The following DNAH5 variants were observed in gnomAD, a reference collection of about 807,000 sequenced individuals.
The protein encoded by DNAH5 is dynein axonemal heavy chain 5, also known as axonemal beta dynein heavy chain 5.
Under a neutral mutation model 518.2 loss-of-function variants are expected in DNAH5, and 372 were observed. The ratio of observed to expected loss-of-function variants is 0.72; its 90% CI spans 0.66 to 0.78. The LOEUF (loss-of-function observed/expected upper bound fraction) is 0.78, where lower values mean the gene tolerates loss of function less well. Among genes scored for constraint, DNAH5 ranks in the 30% least tolerant of loss-of-function variants. The pLI, the probability that DNAH5 is intolerant of heterozygous loss-of-function variation, is 0.00. For synonymous variants in DNAH5, 2,039 were observed against 2,025.9 expected (o/e 1.01, Z -0.17); for missense variants, 5,523 against 5,687.0 (o/e 0.97, Z 0.93).
At position 13,914,646 on chromosome 5, in the gene DNAH5, G is replaced by C; in HGVS notation, c.1198-4C>G. 3 of 1,612,354 alleles carry C rather than the reference G, an allele frequency of 1.9e-6. No individual in the cohort carries two copies. The highest frequency in any genetic ancestry group is 2.5e-6 in the Non-Finnish European group (3 of 1,178,810). On this transcript the variant is annotated splice_polypyrimidine_tract_variant and splice_region_variant and intron_variant, in intron 9 of 78. Transcript: ENST00000265104. ...CAGATATAATCTGATTTGTCACCTG[G>C]GATTTTCCAATAAAATGATGTTAAG...
intron 65 of DNAH5, among the ~76,000 whole-genome samples, chr5:13,748,204 T>C (rs576870268): frequency 5.9e-5 from 9 of 152,350 alleles, no homozygotes; most frequent in Middle Eastern, 3.4e-3. Context: ...TGTGGTATTA[T>C]TTCTGAGGGT....
chr5:13,721,364 T>TTTGC, intron 70 of DNAH5, 119 bp from the exon 71 acceptor site: 3 of 1,212,210 alleles, frequency 2.5e-6, no homozygotes, highest in Non-Finnish European at 3.6e-6. Flanking sequence ...AGTAACCCTG[T>TTTGC]CAGGCAAACA....
rs138441172 is a variant in DNAH5 at position 13,766,011 on chromosome 5, A to G, written c.10066T>C (p.Leu3356=). Reference sequence around the variant, plus strand: ...TGTAAAAAGTTCCCTGCAGTCATCAATTTTAAGGATTCCTGCCAGGAGGGC... The same window carrying G: ...TGTAAAAAGTTCCCTGCAGTCATCAGTTTTAAGGATTCCTGCCAGGAGGGC... The part of the protein sequence containing the change: ...TMPSWQESLK[L]MTAGNFLQNL... Residue 3356 remains leucine, a synonymous_variant, in exon 59 of 79, where the codon TTG becomes CTG. Transcript: ENST00000265104. The G allele has an allele frequency of 3.3e-4, 531 of 1,614,188 alleles. 3 individuals are homozygous for G. The highest frequency in any genetic ancestry group is 9.9e-4 in the South Asian group (90 of 91,086).
intron 48 of DNAH5, 54 bp downstream of exon 48, chr5:13,793,882 A>G (rs1757421066): frequency 6.3e-7 from 1 of 1,596,940 alleles, no homozygotes; most frequent in Non-Finnish European, 8.5e-7. Flanking sequence ...AACTCTTCTA[A>G]GAATAAATCA....
At chr5:13,862,505 T>TA in intron 29 of DNAH5, 43 bp downstream of exon 29, 3 of 1,574,110 alleles carry the variant, frequency 1.9e-6, no homozygotes, top group Non-Finnish European at 2.6e-6. Context: ...TGTTTGCTAT[T>TA]ACGGTTCTCA....
intron 41 of DNAH5, among the ~76,000 whole-genome samples, chr5:13,819,544 A>G (rs1761949904): frequency 6.6e-6 from 1 of 152,048 alleles, no homozygotes; most frequent in South Asian, 2.1e-4. Context: ...TCTTTGCTGG[A>G]TGGGCTTTCA....
In DNAH5 at chr5:13,977,337, C is replaced by T. The variant is rs907398350; in HGVS notation, c.12+34311G>A. 8.5e-5 allele frequency among the ~76,000 whole-genome samples: 13 copies of T among 152,270 alleles called. 1 individual carries two copies. Among genetic ancestry groups the T allele is most frequent in the African/African-American group, 2.4e-4 (10 of 41,556 alleles). On this transcript the variant is annotated intron_variant, in intron 1 of 78. Transcript: ENST00000681290. ...AAAAGCCACTGTGAAGGACGTGGGA[C>T]GCACATGTCTGTCTCTCCCGTCTCT...
At chr5:13,971,262 C>A (rs1017963343) in intron 1 of DNAH5, among the ~76,000 whole-genome samples, 1 of 152,072 alleles carries the variant, frequency 6.6e-6, no homozygotes, top group African/African-American at 2.4e-5. Flanking sequence ...CTTCTGAATT[C>A]TTTTTCTGGT....
chr5:13,716,844 G>T (rs944718988), intron 73 of DNAH5, among the ~76,000 whole-genome samples, 154 bp from the exon 74 acceptor site: 10 of 152,192 alleles, frequency 6.6e-5, no homozygotes, highest in African/African-American at 2.4e-4. Context: ...AAAGTAAAAA[G>T]GTAAAGAAGA....
At position 13,753,280 on chromosome 5, in the gene DNAH5, G is replaced by C; in HGVS notation, c.10825C>G (p.Gln3609Glu). The C allele has an allele frequency of 6.2e-7, 1 of 1,613,928 alleles. No individual in the cohort carries two copies. Among genetic ancestry groups the C allele is most frequent in the Non-Finnish European group, 8.5e-7 (1 of 1,179,882 alleles). The change falls in exon 63 of 79, where the codon CAA becomes GAA. Residue 3609 changes from glutamine (Q) to glutamate (E), a missense_variant. Gln to Glu is a conservative substitution (Grantham distance 29). Coordinates refer to ENST00000265104, the MANE Select transcript of DNAH5 (RefSeq NM_001369.3). ...TTATTTTTAATCCAGATCTTGCCTT[G>C]AGTCTGTGGATCAATTAACAAAGGG... ...RYPLLIDPQT[Q>E]GKIWIKNKES... is the part of the protein sequence containing the mutation.
At chr5:13,894,938 T>C (rs1469787836) in intron 15 of DNAH5, 117 bp from the exon 16 acceptor site, 2 of 1,080,378 alleles carry the variant, frequency 1.9e-6, no homozygotes. Context: ...AGGGCTCTAA[T>C]AGCCTGGCAG....
rs143509430 is a variant in DNAH5, at chr5:13,882,700, T to C, written c.3262+28A>G. 2.6e-6 allele frequency: 4 copies of C among 1,555,352 alleles called. No individual in the cohort carries two copies. The African/African-American group carries it at 5.4e-5, about 21-fold the overall frequency. ...TCAATGAATGTTGATTTACAATGCC[T>C]CTTTTAAAAGACTAAAAGAACATTT... On this transcript the variant is annotated intron_variant, in intron 21 of 78. Coordinates refer to ENST00000265104, the MANE Select transcript of DNAH5 (RefSeq NM_001369.3).
chr5:13,737,547 G>A, intron 65 of DNAH5, 52 bp from the exon 66 acceptor site: 1 of 1,584,570 alleles, frequency 6.3e-7, no homozygotes, highest in Non-Finnish European at 8.6e-7. Flanking sequence ...CTCTTGTTGA[G>A]TATTCCTTAA....
Position 13,776,533 on chromosome 5 carries a change from CT to C in DNAH5, c.9278del (p.Glu3093GlyfsTer8), listed in dbSNP as rs1754108884. On this transcript the variant is annotated frameshift_variant, in exon 55 of 79. Transcript: ENST00000265104. LOFTEE classifies it high-confidence loss of function. ...HIVLCFSPVG[E>X]KFRNRALKFP... is the part of the protein sequence containing the mutation. Reference sequence around the variant, plus strand: ...ACTTCAAAGCTCTGTTTCGAAATTTCTCCCCCACTGGCGAGAAGCAGAGCAC... The same window carrying C: ...ACTTCAAAGCTCTGTTTCGAAATTTCCCCCCACTGGCGAGAAGCAGAGCAC... The C allele has an allele frequency of 6.2e-7, 1 of 1,613,790 alleles. No individual in the cohort carries two copies. The highest frequency in any genetic ancestry group is 1.3e-5 in the African/African-American group (1 of 74,906).
At chr5:13,884,609 G>T (rs1385439548) in intron 19 of DNAH5, among the ~76,000 whole-genome samples, 6 of 152,252 alleles carry the variant, frequency 3.9e-5, no homozygotes, top group African/African-American at 1.4e-4. Flanking sequence ...GGCCGGGGCG[G>T]GCGGATCACC....
chr5:14,010,062 TATAG>T (rs1274632212), intron 1 of DNAH5, among the ~76,000 whole-genome samples: 1 of 152,226 alleles, frequency 6.6e-6, no homozygotes, highest in Admixed American at 6.5e-5. Flanking sequence ...TTCTGCTTTC[TATAG>T]ATATTTATAT....
chr5:13,847,912 C>T (rs1169436859), intron 31 of DNAH5, among the ~76,000 whole-genome samples: 1 of 152,096 alleles, frequency 6.6e-6, no homozygotes, highest in African/African-American at 2.4e-5. Flanking sequence ...TGCATGATGT[C>T]TTAGTGGTCC....
At chr5:13,769,941 T>A (rs566237266) in intron 56 of DNAH5, among the ~76,000 whole-genome samples, 83 of 152,338 alleles carry the variant, frequency 5.4e-4, no homozygotes, top group African/African-American at 2.0e-3. Context: ...AGACTTCAAA[T>A]GCTTAAAGCT....
intron 65 of DNAH5, among the ~76,000 whole-genome samples, chr5:13,744,281 A>T (rs1278712388): frequency 6.6e-6 from 1 of 151,992 alleles, no homozygotes; most frequent in East Asian, 1.9e-4. Flanking sequence ...AGCTAAAAAA[A>T]AAATGTTGAT....
Sources: allele counts gnomAD v4.1 joint callset (sites outside exome capture counted in the v4.1 genomes callset), GRCh38; gene constraint gnomAD v4.1.1; transcripts MANE v1.5; gene names NCBI Gene and HGNC (gene_info 2026-07-23, HGNC 2026-07-21).